The following ADAMTSL3 variants were observed in gnomAD, a reference collection of about 807,000 sequenced individuals.
ADAMTSL3 encodes ADAMTS-like protein 3.
In ADAMTSL3, 128 loss-of-function variants were observed where a neutral mutation model predicts 201.7. The observed-to-expected ratio is 0.63, with a 90% CI of 0.55 to 0.73. The LOEUF (loss-of-function observed/expected upper bound fraction) is 0.73. ADAMTSL3 is among the 30% of genes least tolerant of loss of function. The probability of loss-of-function intolerance (pLI) is 0.00; values close to 1 mark genes in which losing one functional copy is unlikely to be tolerated. For synonymous variants in ADAMTSL3, 738 were observed against 748.4 expected, an observed-to-expected ratio of 0.99 and a Z score of 0.23; for missense variants, 1,990 against 2,119.6, an observed-to-expected ratio of 0.94 and a Z score of 1.20.
chr15:83,955,804 T>C (rs2066850791), intron 19 of ADAMTSL3, among the ~76,000 whole-genome samples: 1 of 151,900 alleles, frequency 6.6e-6, no homozygotes, highest in East Asian at 2.0e-4. Context: ...AAGTACAAAG[T>C]CCTCTTGACT....
At chr15:83,778,936 A>G (rs1173630790) in intron 4 of ADAMTSL3, among the ~76,000 whole-genome samples, 5 of 152,242 alleles carry the variant, frequency 3.3e-5, no homozygotes, top group African/African-American at 2.4e-5. Context: ...TACCAAAAAA[A>G]TGGAAAACAG....
At chr15:83,851,876 A>G (rs2064622112) in intron 7 of ADAMTSL3, among the ~76,000 whole-genome samples, 1 of 152,224 alleles carries the variant, frequency 6.6e-6, no homozygotes, top group African/African-American at 2.4e-5. Flanking sequence ...TAAAATGGAA[A>G]GTAAATGTCA....
intron 20 of ADAMTSL3, among the ~76,000 whole-genome samples, chr15:83,980,532 G>A (rs1199689456): frequency 6.6e-6 from 1 of 151,830 alleles, no homozygotes; most frequent in Non-Finnish European, 1.5e-5. Flanking sequence ...TAACTGGCTG[G>A]GCCATTTGAC....
In ADAMTSL3 at chr15:83,935,254, C is replaced by T. The variant is rs148528862; in HGVS notation, c.2118-7342C>T. Reference sequence around the variant, plus strand: ...TCCCACTTTTTAAGTAAAAAAATAGCGGTAATACCCAGTGGTGACAGATTC... The same window carrying T: ...TCCCACTTTTTAAGTAAAAAAATAGTGGTAATACCCAGTGGTGACAGATTC... On this transcript the variant is annotated intron_variant, in intron 17 of 29. Coordinates refer to ENST00000286744, the MANE Select transcript of ADAMTSL3 (RefSeq NM_207517.3). 4.4e-3 allele frequency among the ~76,000 whole-genome samples: 677 copies of T among 152,138 alleles called. 2 individuals are homozygous for T. Among genetic ancestry groups the T allele is most frequent in the Non-Finnish European group, 7.1e-3 (482 of 67,978 alleles).
At chr15:83,884,509 A>G (rs1199844042) in intron 9 of ADAMTSL3, among the ~76,000 whole-genome samples, 1 of 151,700 alleles carries the variant, frequency 6.6e-6, no homozygotes, top group Non-Finnish European at 1.5e-5. Context: ...TCCTGACCTC[A>G]AGTGATCTAC....
intron 17 of ADAMTSL3, among the ~76,000 whole-genome samples, chr15:83,930,773 A>C: frequency 6.6e-6 from 1 of 152,356 alleles, no homozygotes; most frequent in East Asian, 1.9e-4. Context: ...AGAGACAAAG[A>C]TTTGATGCCA....
At chr15:83,934,068 A>G (rs904982222) in intron 17 of ADAMTSL3, among the ~76,000 whole-genome samples, 2 of 152,186 alleles carry the variant, frequency 1.3e-5, no homozygotes, top group Non-Finnish European at 2.9e-5. Flanking sequence ...TGGAGCTGTG[A>G]GAAGAGGGCC....
At chr15:83,841,656 G>A (rs986173308) in intron 7 of ADAMTSL3, among the ~76,000 whole-genome samples, 2 of 151,896 alleles carry the variant, frequency 1.3e-5, no homozygotes, top group Non-Finnish European at 2.9e-5. Context: ...ACACTGATAC[G>A]GGAGGGGGGG....
chr15:83,803,072 G>A (rs2063549042), intron 4 of ADAMTSL3, among the ~76,000 whole-genome samples: 1 of 152,216 alleles, frequency 6.6e-6, no homozygotes, highest in African/African-American at 2.4e-5. Flanking sequence ...TTTTTCCAAA[G>A]AATTATCATT....
chr15:83,964,680 AAG>A (rs1343214036), intron 19 of ADAMTSL3, among the ~76,000 whole-genome samples: 3 of 152,180 alleles, frequency 2.0e-5, no homozygotes, highest in African/African-American at 4.8e-5. Context: ...GAATACCACA[AAG>A]ATACTCCTCT....
rs1596265210 is a variant in ADAMTSL3, at chr15:83,820,162, G to C, written c.600+115G>C. The C allele has an allele frequency of 3.4e-6, 3 of 870,168 alleles. No individual in the cohort carries two copies. In the East Asian group the frequency reaches 7.5e-5, roughly 22 times the overall value. The allele number at this position is 870,168 out of a possible 1,614,324, so 53.9% of individuals were successfully genotyped here. ...CATGCAGATGTAAATATTGCTATTG[G>C]CCAGGTACGGTGGCTTACACCTATA... On this transcript the variant is annotated intron_variant, in intron 6 of 29. Transcript: ENST00000286744.
chr15:83,853,936 C>G (rs963645593), intron 7 of ADAMTSL3, among the ~76,000 whole-genome samples: 54 of 151,866 alleles, frequency 3.6e-4, no homozygotes, highest in Non-Finnish European at 5.6e-4. Flanking sequence ...ATCTATCTAT[C>G]TATCTATCTA....
chr15:84,014,209 C>T (rs1046580223), intron 23 of ADAMTSL3, among the ~76,000 whole-genome samples: 3 of 152,142 alleles, frequency 2.0e-5, no homozygotes, highest in South Asian at 4.1e-4. Flanking sequence ...CCAGCTTCAC[C>T]GACTCCTTCT....
At chr15:84,036,195 T>A (rs187410098) in intron 28 of ADAMTSL3, among the ~76,000 whole-genome samples, 20 of 152,294 alleles carry the variant, frequency 1.3e-4, no homozygotes, top group African/African-American at 4.8e-4. Flanking sequence ...GTATTAACTT[T>A]CCATTCTGTT....
At chr15:84,027,380 C>A (rs988341815) in intron 27 of ADAMTSL3, among the ~76,000 whole-genome samples, 1 of 152,124 alleles carries the variant, frequency 6.6e-6, no homozygotes, top group African/African-American at 2.4e-5. Context: ...AGGTATGTAT[C>A]CAAAAGAAAT....
At chr15:83,900,024 T>A (rs2065693438) in intron 15 of ADAMTSL3, among the ~76,000 whole-genome samples, 1 of 152,226 alleles carries the variant, frequency 6.6e-6, no homozygotes, top group African/African-American at 2.4e-5. Context: ...TTAACGCATG[T>A]GATTTGACCA....
intron 1 of ADAMTSL3, among the ~76,000 whole-genome samples, chr15:83,655,329 TCTC>T (rs2061064726): frequency 6.6e-6 from 1 of 152,200 alleles, no homozygotes; most frequent in African/African-American, 2.4e-5. Flanking sequence ...GTCCTTTCCC[TCTC>T]TGGGCGGCTT....
chr15:83,951,141 C>G (rs1196598468), intron 19 of ADAMTSL3, among the ~76,000 whole-genome samples: 2 of 151,790 alleles, frequency 1.3e-5, no homozygotes, highest in African/African-American at 2.4e-5. Context: ...CAGTATGATA[C>G]TAGCTGTGGG....
chr15:83,677,370 T>C (rs2061421293), intron 2 of ADAMTSL3, among the ~76,000 whole-genome samples: 1 of 152,196 alleles, frequency 6.6e-6, no homozygotes, highest in South Asian at 2.1e-4. Flanking sequence ...GAGAGAGAGA[T>C]GATGAAATCC....
Sources: gnomAD v4.1 joint callset for allele counts (sites outside exome capture counted in the v4.1 genomes callset) on GRCh38, gnomAD v4.1.1 for gene constraint, MANE v1.5 for transcripts, NCBI Gene and HGNC (gene_info 2026-07-23, HGNC 2026-07-21) for gene names.